The following ZNF569 variants were observed in gnomAD, a reference collection of about 807,000 sequenced individuals.
ZNF569 encodes zinc finger protein 569, also known as DNA-binding protein.
Under a neutral mutation model 56.3 loss-of-function variants are expected in ZNF569, and 38 were observed. The observed-to-expected ratio is 0.68, with a 90% CI of 0.52 to 0.88. The LOEUF (loss-of-function observed/expected upper bound fraction) is 0.88, where lower values mean the gene tolerates loss of function less well. Ranked by LOEUF, ZNF569 falls within the 40% of genes least tolerant of loss-of-function variation. The probability of loss-of-function intolerance (pLI) is 0.00; values close to 1 mark genes in which losing one functional copy is unlikely to be tolerated. For missense variants in ZNF569, 666 were observed against 809.2 expected (o/e 0.82, Z 2.15); for synonymous variants, 241 against 262.9 (o/e 0.92, Z 0.81).
chr19:37,431,037 T>G (rs1017154790), intron 3 of ZNF569, among the ~76,000 whole-genome samples: 1 of 152,132 alleles, frequency 6.6e-6, no homozygotes, highest in African/African-American at 2.4e-5. Flanking sequence ...ATTGTAGCAG[T>G]AGGAACCTGA....
At chr19:37,426,526 G>T in intron 3 of ZNF569, 148 bp from the exon 4 acceptor site, 1 of 837,652 alleles carries the variant, frequency 1.2e-6, no homozygotes, top group Non-Finnish European at 1.7e-6. Context: ...TTCATTCACT[G>T]ATTAGCAAGC....
chr19:37,422,825 G>A (rs1288615722), intron 5 of ZNF569, among the ~76,000 whole-genome samples: 2 of 152,146 alleles, frequency 1.3e-5, no homozygotes, highest in Non-Finnish European at 2.9e-5. Flanking sequence ...ATGTCACACT[G>A]CAAAACAAGG....
chr19:37,418,626 GA>G (rs1173817823), intron 5 of ZNF569, among the ~76,000 whole-genome samples: 1 of 152,060 alleles, frequency 6.6e-6, no homozygotes, highest in Non-Finnish European at 1.5e-5. Flanking sequence ...AGAAATTAGA[GA>G]AGTCATGCAC....
chr19:37,468,190 G>T, upstream of ZNF569: 2 of 540,442 alleles, frequency 3.7e-6, no homozygotes, highest in South Asian at 2.5e-5. Context: ...GGGCTCAAGC[G>T]ATTCTCTGCC....
chr19:37,429,528 A>C lies in ZNF569; in HGVS notation c.16-3150T>G, dbSNP rs756586886. 4.9e-4 allele frequency among the ~76,000 whole-genome samples: 75 copies of C among 152,222 alleles called. 1 individual carries two copies. Among genetic ancestry groups the C allele is most frequent in the Admixed American group, 3.3e-3 (50 of 15,286 alleles). ...GTAATACTAACAGATTAATATGTTC[A>C]TGCCAGATCTGGCCATCCTTTGGCA... On this transcript the variant is annotated intron_variant, in intron 3 of 5. Coordinates refer to ENST00000316950, the MANE Select transcript of ZNF569 (RefSeq NM_152484.3).
chr19:37,423,485 T>C (rs550018353), intron 5 of ZNF569, among the ~76,000 whole-genome samples: 29 of 152,348 alleles, frequency 1.9e-4, no homozygotes, highest in Admixed American at 3.9e-4. Context: ...TGAGTCATTA[T>C]TGAGAAATAT....
At chr19:37,419,975 T>TC (rs1294286388) in intron 5 of ZNF569, among the ~76,000 whole-genome samples, 2 of 139,306 alleles carry the variant, frequency 1.4e-5, no homozygotes, top group African/African-American at 2.7e-5. Context: ...CTTTCTTTTT[T>TC]TTTTTTTTTT....
At chr19:37,446,788 T>C (rs564841634) in intron 2 of ZNF569, among the ~76,000 whole-genome samples, 1 of 152,160 alleles carries the variant, frequency 6.6e-6, no homozygotes, top group African/African-American at 2.4e-5. Context: ...ACTAAAAAGC[T>C]TCTGCACAGC....
In ZNF569 at chr19:37,412,541, A is replaced by G. The variant is rs1012976279; in HGVS notation, c.*56T>C. Reference sequence around the variant, plus strand: ...TCTGGAAGTGATCATGTAATGTGCAATGAGGTGTTAATTCCTTCAGATGGC... The same window carrying G: ...TCTGGAAGTGATCATGTAATGTGCAGTGAGGTGTTAATTCCTTCAGATGGC... On this transcript the variant is annotated 3_prime_UTR_variant, in exon 6 of 6. Coordinates refer to ENST00000316950, the MANE Select transcript of ZNF569 (RefSeq NM_152484.3). The G allele has an allele frequency of 2.0e-6, 3 of 1,522,376 alleles. No homozygotes were observed. Among genetic ancestry groups the G allele is most frequent in the African/African-American group, 1.4e-5 (1 of 71,862 alleles). The allele number at this position is 1,522,376 out of a possible 1,614,324, so 94.3% of individuals were successfully genotyped here. A position where few individuals can be genotyped will look rare whatever the true frequency, so the allele number is the denominator to read the frequency against.
intron 3 of ZNF569, among the ~76,000 whole-genome samples, chr19:37,441,526 G>T (rs1355754033): frequency 6.6e-6 from 1 of 152,070 alleles, no homozygotes; most frequent in Non-Finnish European, 1.5e-5. Context: ...CAGGCATGGG[G>T]GCACGTGCCT....
chr19:37,451,399 GAAAA>G (rs74174466), intron 2 of ZNF569, among the ~76,000 whole-genome samples: 1 of 105,152 alleles, frequency 9.5e-6, no homozygotes. Context: ...GACCCCATCT[GAAAA>G]AAAAAAAAAA....
chr19:37,434,565 C>T (rs1204880395), intron 3 of ZNF569, among the ~76,000 whole-genome samples: 3 of 152,160 alleles, frequency 2.0e-5, no homozygotes, highest in African/African-American at 7.2e-5. Context: ...GTGGCGCAAG[C>T]CTGTAGTCCC....
chr19:37,453,412 C>T (rs1304302501), intron 2 of ZNF569, among the ~76,000 whole-genome samples: 2 of 152,098 alleles, frequency 1.3e-5, no homozygotes, highest in Non-Finnish European at 2.9e-5. Flanking sequence ...TCCAAGTCTT[C>T]CTACACCACC....
At chr19:37,432,148 G>C (rs1568728692) in intron 3 of ZNF569, among the ~76,000 whole-genome samples, 1 of 152,172 alleles carries the variant, frequency 6.6e-6, no homozygotes, top group Non-Finnish European at 1.5e-5. Context: ...TTTGCCACCT[G>C]CTGACTGTAG....
chr19:37,416,952 T>C (rs2040943660), intron 5 of ZNF569, among the ~76,000 whole-genome samples: 1 of 152,174 alleles, frequency 6.6e-6, no homozygotes. Flanking sequence ...GAGGCTTCAT[T>C]TAGAAATAGG....
intron 5 of ZNF569, among the ~76,000 whole-genome samples, chr19:37,418,688 G>A (rs2040978726): frequency 6.6e-6 from 1 of 152,130 alleles, no homozygotes; most frequent in African/African-American, 2.4e-5. Flanking sequence ...AAATTGAATG[G>A]AAGTCTGTAA....
At chr19:37,435,315 T>C (rs1412678413) in intron 3 of ZNF569, among the ~76,000 whole-genome samples, 1 of 151,748 alleles carries the variant, frequency 6.6e-6, no homozygotes, top group African/African-American at 2.4e-5. Flanking sequence ...TCAAAAAACA[T>C]ACAACAGATA....
At chr19:37,454,822 G>A (rs1185184818) in intron 2 of ZNF569, 2 of 701,772 alleles carry the variant, frequency 2.8e-6, no homozygotes, top group South Asian at 1.5e-5. Context: ...CTTGATAGCT[G>A]TATTTTCTTA....
intron 2 of ZNF569, among the ~76,000 whole-genome samples, chr19:37,459,930 C>T (rs528904310): frequency 1.3e-5 from 2 of 151,428 alleles, no homozygotes; most frequent in Admixed American, 6.6e-5. Flanking sequence ...TAGGGTGACA[C>T]TAAAATTTTT....
Sources: allele counts gnomAD v4.1 joint callset (sites outside exome capture counted in the v4.1 genomes callset), GRCh38; gene constraint gnomAD v4.1.1; transcripts MANE v1.5; gene names NCBI Gene and HGNC (gene_info 2026-07-23, HGNC 2026-07-21).